RMDN2: variants seen among roughly 807,000 people sequenced by gnomAD.
RMDN2 encodes regulator of microtubule dynamics 2.
Under a neutral mutation model 52.8 loss-of-function variants are expected in RMDN2, and 61 were observed. The observed-to-expected ratio is 1.16, with a 90% CI of 0.94 to 1.43. The LOEUF is 1.43. Among genes scored for constraint, RMDN2 ranks in the 40% most tolerant of loss-of-function variants. The probability of loss-of-function intolerance (pLI) is 0.00; values close to 1 mark genes in which losing one functional copy is unlikely to be tolerated. For synonymous variants in RMDN2, 180 were observed against 153.1 expected, an observed-to-expected ratio of 1.18 and a Z score of -1.30; for missense variants, 592 against 475.3, an observed-to-expected ratio of 1.25 and a Z score of -2.28.
At chr2:38,015,784 C>T (rs1413067711) in intron 10 of RMDN2, among the ~76,000 whole-genome samples, 2 of 152,176 alleles carry the variant, frequency 1.3e-5, no homozygotes, top group African/African-American at 2.4e-5. Context: ...GATCTAACAA[C>T]ATGTCAATAC....
intron 5 of RMDN2, among the ~76,000 whole-genome samples, chr2:37,986,781 C>G (rs918078880): frequency 2.6e-5 from 4 of 152,072 alleles, no homozygotes; most frequent in Middle Eastern, 3.4e-3. Context: ...AAACTCTCAG[C>G]AAACTTTATC....
At chr2:37,974,535 T>C (rs924781895) in intron 3 of RMDN2, among the ~76,000 whole-genome samples, 9 of 151,572 alleles carry the variant, frequency 5.9e-5, no homozygotes, top group African/African-American at 9.6e-5. Flanking sequence ...GAGACAGATA[T>C]GGGTATTCAA....
At chr2:37,990,012 G>A (rs7575921) in intron 6 of RMDN2, among the ~76,000 whole-genome samples, 17,424 of 151,470 alleles carry the variant, frequency 0.12, 1,361 homozygotes, top group African/African-American at 0.22. Flanking sequence ...TAGTGGTGGC[G>A]GGCGCCTATA....
intron 4 of RMDN2, among the ~76,000 whole-genome samples, chr2:37,978,575 C>T (rs7604164): frequency 6.6e-6 from 1 of 152,024 alleles, no homozygotes; most frequent in Non-Finnish European, 1.5e-5. Flanking sequence ...CCTGTAATCC[C>T]AGCACTTTGG....
At chr2:37,998,795 G>A (rs1215444043) in intron 8 of RMDN2, among the ~76,000 whole-genome samples, 2 of 151,868 alleles carry the variant, frequency 1.3e-5, no homozygotes, top group Admixed American at 1.3e-4. Flanking sequence ...CCCTTTTTTT[G>A]TTGTATAAAA....
intron 10 of RMDN2, among the ~76,000 whole-genome samples, chr2:38,049,915 C>G (rs1189310678): frequency 2.6e-5 from 4 of 152,168 alleles, no homozygotes; most frequent in Non-Finnish European, 5.9e-5. Flanking sequence ...GTGCCTAATA[C>G]TGTCAGTAAT....
Position 37,963,949 on chromosome 2 carries a change from C to T in RMDN2, c.453-10091C>T, listed in dbSNP as rs1380201792. 1.2e-4 allele frequency among the ~76,000 whole-genome samples: 18 copies of T among 148,892 alleles called. 1 individual carries two copies. The highest frequency in any genetic ancestry group is 8.0e-4 in the Admixed American group (12 of 15,068). On this transcript the variant is annotated intron_variant, in intron 2 of 10. Transcript: ENST00000354545. ...GGGCGGCGGCCAGGCGGAGGTGCCC[C>T]CCACCTCCCTCCCGGACAGGGCGGC...
chr2:38,016,861 A>G (rs1324727129), intron 10 of RMDN2, among the ~76,000 whole-genome samples: 1 of 152,178 alleles, frequency 6.6e-6, no homozygotes, highest in African/African-American at 2.4e-5. Flanking sequence ...TTCATGCTGG[A>G]GAAGGAATTC....
chr2:37,952,123 G>C, intron 2 of RMDN2: 2 of 1,613,032 alleles, frequency 1.2e-6, no homozygotes, highest in Non-Finnish European at 1.7e-6. Flanking sequence ...TTAACTTCAG[G>C]CCTGTTTGAA....
intron 10 of RMDN2, among the ~76,000 whole-genome samples, chr2:38,031,256 CTTTTTTT>C (rs552306141): frequency 5.7e-5 from 6 of 105,870 alleles, no homozygotes; most frequent in East Asian, 5.5e-4. Context: ...CTTTGTTTCC[CTTTTTTT>C]TTTTTTTTTT....
At chr2:37,956,874 C>A in intron 2 of RMDN2, among the ~76,000 whole-genome samples, 1 of 151,648 alleles carries the variant, frequency 6.6e-6, no homozygotes. Flanking sequence ...TCTCATTGTT[C>A]AACTCCCACT....
At chr2:38,004,649 T>A (rs1368533201) in intron 10 of RMDN2, among the ~76,000 whole-genome samples, 2 of 152,056 alleles carry the variant, frequency 1.3e-5, no homozygotes, top group African/African-American at 2.4e-5. Context: ...TTCCAGCCCC[T>A]GACAGCCACC....
chr2:37,976,613 C>G (rs1430613294), intron 4 of RMDN2, among the ~76,000 whole-genome samples: 1 of 152,150 alleles, frequency 6.6e-6, no homozygotes, highest in Non-Finnish European at 1.5e-5. Context: ...AGGGCTTCCC[C>G]CTCTTGTTTG....
At chr2:37,936,220 A>T (rs375142086) in intron 2 of RMDN2, among the ~76,000 whole-genome samples, 1 of 152,232 alleles carries the variant, frequency 6.6e-6, no homozygotes. Context: ...CCTGCAAAGG[A>T]CATGATCTCA....
exon 11 of RMDN2, chr2:38,067,100 C>A: frequency 9.5e-7 from 1 of 1,055,000 alleles, no homozygotes; most frequent in Non-Finnish European, 1.5e-6. Context: ...GTATTTTTAC[C>A]AAGTAAAAAG....
chr2:38,026,957 C>G (rs962693924), intron 10 of RMDN2: 1 of 151,526 alleles, frequency 6.6e-6, no homozygotes, highest in African/African-American at 2.4e-5. Context: ...AGGTATCTTT[C>G]TGTAATTGAT....
intron 2 of RMDN2, among the ~76,000 whole-genome samples, chr2:37,950,801 A>C (rs1668683224): frequency 6.6e-6 from 1 of 152,134 alleles, no homozygotes; most frequent in Admixed American, 6.6e-5. Flanking sequence ...ATATAAGTTT[A>C]TTCTCCTTAA....
chr2:37,935,398 G>C (rs977055236), intron 2 of RMDN2, among the ~76,000 whole-genome samples: 3 of 152,176 alleles, frequency 2.0e-5, no homozygotes, highest in Admixed American at 2.0e-4. Context: ...TGTCAGGTCC[G>C]TTTTAATGTG....
At chr2:37,963,486 C>G (rs1238289230) in intron 2 of RMDN2, among the ~76,000 whole-genome samples, 1 of 152,074 alleles carries the variant, frequency 6.6e-6, no homozygotes, top group South Asian at 2.1e-4. Flanking sequence ...GTTTGTGTCC[C>G]TGGGTACTTG....
Sources: gnomAD v4.1 joint callset for allele counts (sites outside exome capture counted in the v4.1 genomes callset) on GRCh38, gnomAD v4.1.1 for gene constraint, MANE v1.5 for transcripts, NCBI Gene and HGNC (gene_info 2026-07-23, HGNC 2026-07-21) for gene names.